Variants in KCTD8 observed in about 807,000 individuals in gnomAD.
The protein encoded by KCTD8 is potassium channel tetramerization domain containing 8.
In KCTD8, 27 loss-of-function variants were observed where a neutral mutation model predicts 31.5. The ratio of observed to expected loss-of-function variants is 0.86; its 90% confidence interval spans 0.63 to 1.18. KCTD8 has a LOEUF of 1.18. Among genes scored for constraint, KCTD8 ranks in the 50% most tolerant of loss-of-function variants. The pLI, the probability that KCTD8 is intolerant of heterozygous loss-of-function variation, is 0.00. For missense variants in KCTD8, 658 were observed against 647.7 expected, an observed-to-expected ratio of 1.02 and a Z score of -0.17; for synonymous variants, 290 against 280.0, an observed-to-expected ratio of 1.04 and a Z score of -0.36.
At chr4:44,197,035 C>T (rs909640941) in intron 1 of KCTD8, among the ~76,000 whole-genome samples, 39 of 152,186 alleles carry the variant, frequency 2.6e-4, no homozygotes, top group African/African-American at 9.4e-4. Context: ...GGGCTTCCAG[C>T]TCAGTGACCC....
At chr4:44,273,611 A>C (rs1164045654) in intron 1 of KCTD8, among the ~76,000 whole-genome samples, 1 of 151,968 alleles carries the variant, frequency 6.6e-6, no homozygotes, top group Non-Finnish European at 1.5e-5. Flanking sequence ...CCTAAATTAA[A>C]TTGCCAGAAT....
chr4:44,379,013 A>G (rs1202498134), intron 1 of KCTD8, among the ~76,000 whole-genome samples: 1 of 152,154 alleles, frequency 6.6e-6, no homozygotes, highest in Non-Finnish European at 1.5e-5. Flanking sequence ...GCTGCAGAGC[A>G]TCTTCTAATC....
At chr4:44,330,794 C>T (rs1287521868) in intron 1 of KCTD8, among the ~76,000 whole-genome samples, 1 of 151,762 alleles carries the variant, frequency 6.6e-6, no homozygotes, top group Non-Finnish European at 1.5e-5. Context: ...GCTAGGGTTG[C>T]TTATGATGAT....
chr4:44,261,757 A>T (rs1716189350), intron 1 of KCTD8, among the ~76,000 whole-genome samples: 1 of 152,010 alleles, frequency 6.6e-6, no homozygotes, highest in South Asian at 2.1e-4. Context: ...CACAAATGGC[A>T]GGATTTCTTT....
chr4:44,317,098 T>A (rs1326088313), intron 1 of KCTD8, among the ~76,000 whole-genome samples: 2 of 151,796 alleles, frequency 1.3e-5, no homozygotes, highest in Non-Finnish European at 2.9e-5. Flanking sequence ...TACTGCTGTA[T>A]GAAGCTATGT....
At position 44,200,014 on chromosome 4, in the gene KCTD8, GT is replaced by G. The variant is rs541535479; in HGVS notation, c.962-24765del. On this transcript the variant is annotated intron_variant, in intron 1 of 1. Coordinates refer to ENST00000360029, the MANE Select transcript of KCTD8 (RefSeq NM_198353.3). ...AGAAATAAAAAAAGATCCTGAAAGG[GT>G]ACTGTAAACACCTCTGTGCACACAA... Among the ~76,000 whole-genome samples the G allele has an allele frequency of 6.1e-3, 930 of 151,742 alleles. 13 individuals are homozygous for G. Among genetic ancestry groups the G allele is most frequent in the African/African-American group, 0.021 (869 of 41,386 alleles).
At chr4:44,325,523 A>C (rs1004640209) in intron 1 of KCTD8, among the ~76,000 whole-genome samples, 2 of 151,928 alleles carry the variant, frequency 1.3e-5, no homozygotes, top group African/African-American at 4.8e-5. Context: ...GAAAGGATAC[A>C]TGCTTGAGGG....
At chr4:44,349,071 G>GCCACCACCACCA (rs200999276) in intron 1 of KCTD8, among the ~76,000 whole-genome samples, 8 of 136,784 alleles carry the variant, frequency 5.8e-5, no homozygotes, top group South Asian at 2.3e-4. Context: ...CGCTGCCACC[G>GCCACCACCACCA]CCACCACCAC....
chr4:44,348,893 C>G (rs1719113337), intron 1 of KCTD8, among the ~76,000 whole-genome samples: 1 of 152,152 alleles, frequency 6.6e-6, no homozygotes, highest in Admixed American at 6.5e-5. Context: ...CACAGTCCTC[C>G]CTCTTACTAC....
chr4:44,422,854 G>A (rs1035421923), intron 1 of KCTD8, among the ~76,000 whole-genome samples: 10 of 152,058 alleles, frequency 6.6e-5, no homozygotes, highest in Non-Finnish European at 1.5e-5. Flanking sequence ...CTCATTTCCA[G>A]CTAATATTCT....
intron 1 of KCTD8, among the ~76,000 whole-genome samples, chr4:44,235,578 T>TATATATATATATATAG (rs1553895183): frequency 1.6e-5 from 1 of 64,102 alleles, no homozygotes; most frequent in Non-Finnish European, 3.3e-5. Flanking sequence ...TATATATATT[T>TATATATATATATATAG]AGAGAGAGAG....
intron 1 of KCTD8, among the ~76,000 whole-genome samples, chr4:44,294,578 C>T (rs185662605): frequency 6.6e-6 from 1 of 152,106 alleles, no homozygotes; most frequent in African/African-American, 2.4e-5. Context: ...TTCATGAAAA[C>T]TGAAAAAAAT....
intron 1 of KCTD8, among the ~76,000 whole-genome samples, chr4:44,409,453 T>C (rs1168637510): frequency 6.6e-6 from 1 of 152,068 alleles, no homozygotes; most frequent in African/African-American, 2.4e-5. Flanking sequence ...ACTCGAGTGT[T>C]TGAGCTGGAA....
intron 1 of KCTD8, among the ~76,000 whole-genome samples, chr4:44,223,166 A>T (rs1240858723): frequency 6.6e-6 from 1 of 152,194 alleles, no homozygotes; most frequent in African/African-American, 2.4e-5. Flanking sequence ...AAACGTCTGA[A>T]GACTTGGATT....
intron 1 of KCTD8, among the ~76,000 whole-genome samples, chr4:44,403,279 C>T (rs962050740): frequency 6.6e-6 from 1 of 152,022 alleles, no homozygotes; most frequent in African/African-American, 2.4e-5. Context: ...TATAAAATCA[C>T]ACGTTTTATG....
At chr4:44,251,183 G>A (rs1274952718) in intron 1 of KCTD8, among the ~76,000 whole-genome samples, 7 of 151,460 alleles carry the variant, frequency 4.6e-5, no homozygotes, top group Non-Finnish European at 1.0e-4. Context: ...CATTTCCACT[G>A]AGATATTTAT....
intron 1 of KCTD8, among the ~76,000 whole-genome samples, chr4:44,181,923 GCCCC>G (rs771987406): frequency 0.031 from 4,643 of 150,800 alleles, 137 homozygotes; most frequent in Non-Finnish European, 0.044. Context: ...GAAGTGAGGA[GCCCC>G]TCCACCCGGC....
intron 1 of KCTD8, among the ~76,000 whole-genome samples, chr4:44,408,171 G>A (rs1490019996): frequency 2.0e-5 from 3 of 152,106 alleles, no homozygotes; most frequent in African/African-American, 7.2e-5. Flanking sequence ...TGCAATACAG[G>A]AGAAAATACT....
chr4:44,283,043 ATT>A, intron 1 of KCTD8, among the ~76,000 whole-genome samples: 2 of 88,054 alleles, frequency 2.3e-5, no homozygotes, highest in Non-Finnish European at 6.2e-5. Flanking sequence ...TATTATTATT[ATT>A]ATTATTATTA....
Sources: gnomAD v4.1 joint callset for allele counts (sites outside exome capture counted in the v4.1 genomes callset) on GRCh38, gnomAD v4.1.1 for gene constraint, MANE v1.5 for transcripts, NCBI Gene and HGNC (gene_info 2026-07-23, HGNC 2026-07-21) for gene names.